GRB10: variants seen among roughly 807,000 people sequenced by gnomAD.
GRB10 encodes the protein growth factor receptor bound protein 10.
A neutral mutation model predicts 80.9 loss-of-function variants in GRB10; 20 were observed. The observed-to-expected ratio is 0.25, with a 90% CI of 0.17 to 0.36. The LOEUF is 0.36. Ranked by LOEUF, GRB10 falls within the 10% of genes least tolerant of loss-of-function variation. The pLI, the probability that GRB10 is intolerant of heterozygous loss-of-function variation, is 1.00. For synonymous variants in GRB10, 291 were observed against 291.5 expected (o/e 1.00, Z 0.02); for missense variants, 548 against 747.7 (o/e 0.73, Z 3.12).
At chr7:50,761,411 C>A (rs2075752224) in intron 2 of GRB10, among the ~76,000 whole-genome samples, 1 of 152,048 alleles carries the variant, frequency 6.6e-6, no homozygotes, top group African/African-American at 2.4e-5. Context: ...TAGAAGATAA[C>A]AGAATTTCTT....
chr7:50,763,120 A>G (rs916754867), intron 2 of GRB10, among the ~76,000 whole-genome samples: 3 of 148,184 alleles, frequency 2.0e-5, no homozygotes, highest in African/African-American at 2.4e-5. Context: ...TCCGTCTCCA[A>G]AAAAAAAAAA....
chr7:50,593,731 T>A (rs1333201293), intron 18 of GRB10, among the ~76,000 whole-genome samples: 1 of 152,192 alleles, frequency 6.6e-6, no homozygotes, highest in Admixed American at 6.5e-5. Context: ...TGTAGTACAG[T>A]GCAAAACACT....
At chr7:50,678,669 T>C (rs894048587) in intron 5 of GRB10, among the ~76,000 whole-genome samples, 34 of 149,492 alleles carry the variant, frequency 2.3e-4, no homozygotes, top group Non-Finnish European at 3.9e-4. Context: ...TTCTACACCA[T>C]TTTTTTTTTA....
chr7:50,745,454 C>A (rs2072724455), intron 3 of GRB10, among the ~76,000 whole-genome samples: 1 of 152,102 alleles, frequency 6.6e-6, no homozygotes, highest in Non-Finnish European at 1.5e-5. Context: ...AAAATTAAGA[C>A]ACCAAATCAA....
At chr7:50,718,161 A>T (rs1232536336) in intron 4 of GRB10, among the ~76,000 whole-genome samples, 2 of 152,214 alleles carry the variant, frequency 1.3e-5, no homozygotes, top group Non-Finnish European at 2.9e-5. Context: ...GGAAGGAAGA[A>T]AGGGAAGGGG....
At chr7:50,708,866 C>T (rs541097635) in intron 4 of GRB10, among the ~76,000 whole-genome samples, 9 of 151,968 alleles carry the variant, frequency 5.9e-5, no homozygotes, top group African/African-American at 2.2e-4. Flanking sequence ...AGTAGAGATG[C>T]GGTTTCACTA....
chr7:50,688,110 C>T (rs1021076448), intron 5 of GRB10, among the ~76,000 whole-genome samples: 1 of 152,218 alleles, frequency 6.6e-6, no homozygotes, highest in Non-Finnish European at 1.5e-5. Context: ...TAAATGCTAT[C>T]AGCCACATTT....
chr7:50,612,661 G>T, intron 13 of GRB10, 80 bp downstream of exon 13: 1 of 882,050 alleles, frequency 1.1e-6, no homozygotes, highest in Non-Finnish European at 1.9e-6. Context: ...GCATTTTCCT[G>T]CCAGAATAGA....
At chr7:50,724,984 G>GCT (rs1289474481) in intron 4 of GRB10, among the ~76,000 whole-genome samples, 1 of 152,128 alleles carries the variant, frequency 6.6e-6, no homozygotes, top group Non-Finnish European at 1.5e-5. Flanking sequence ...GTCTGCGTGC[G>GCT]CTTGATACTG....
rs150250702 is a variant in GRB10 at position 50,708,673 on chromosome 7, G to GTT, written c.52-4767_52-4766dup. Among the ~76,000 whole-genome samples the GTT allele has an allele frequency of 4.6e-3, 385 of 83,254 alleles. 8 individuals carry two copies. The highest frequency in any genetic ancestry group is 0.015 in the African/African-American group (350 of 23,160). The allele number at this position is 83,254 out of a possible 152,430, so 54.6% of individuals were successfully genotyped here. Reference sequence around the variant, plus strand: ...GGAATGGGGGAGGCCCTGTGAGTCTGTTTTTTTTTTTTTTTTTTTTTGAGA... The same window carrying GTT: ...GGAATGGGGGAGGCCCTGTGAGTCTGTTTTTTTTTTTTTTTTTTTTTTTGAGA... On this transcript the variant is annotated intron_variant, in intron 4 of 18. Coordinates refer to ENST00000401949, the MANE Select transcript of GRB10 (RefSeq NM_001350814.2).
chr7:50,605,675 G>A (rs1342240535), intron 14 of GRB10, among the ~76,000 whole-genome samples: 1 of 152,122 alleles, frequency 6.6e-6, no homozygotes, highest in Non-Finnish European at 1.5e-5. Flanking sequence ...CGCAGCATTT[G>A]GACCATGTGG....
chr7:50,727,068 T>C (rs1246979654), intron 4 of GRB10: 2 of 152,220 alleles, frequency 1.3e-5, no homozygotes, highest in Non-Finnish European at 2.9e-5. Flanking sequence ...AACCTCAGTT[T>C]TCTCATTTAT....
At chr7:50,651,570 G>A (rs1157954446) in intron 7 of GRB10, among the ~76,000 whole-genome samples, 2 of 152,190 alleles carry the variant, frequency 1.3e-5, no homozygotes, top group Admixed American at 1.3e-4. Flanking sequence ...TACATTCTGA[G>A]GAACTGGGGC....
rs1221278201 is a variant in GRB10 at position 50,612,747 on chromosome 7, G to T, written c.1188C>A (p.Leu396=). The change falls in exon 13 of 19, where the codon CTC becomes CTA. Residue 396 remains leucine (L), a synonymous_variant. Transcript: ENST00000401949. ...ACCGCAAGATGTCACATACCTTGAG[G>T]AGTCTGAACGCTGTCATCCAGCACG... ...TRTCWMTAFR[L]LKYGMLLYQN... is the part of the protein sequence containing the mutation. 3 of 1,611,136 alleles carry T rather than the reference G, an allele frequency of 1.9e-6. No individual in the cohort carries two copies. Among genetic ancestry groups the T allele is most frequent in the Non-Finnish European group, 2.5e-6 (3 of 1,177,642 alleles).
intron 2 of GRB10, among the ~76,000 whole-genome samples, chr7:50,758,059 A>C (rs2153704132): frequency 6.6e-6 from 1 of 152,350 alleles, no homozygotes; most frequent in Middle Eastern, 3.4e-3. Context: ...TACAGTTGAC[A>C]AAACAAAGAC....
chr7:50,603,798 G>A (rs1585520888), intron 17 of GRB10, among the ~76,000 whole-genome samples, 200 bp downstream of exon 17: 1 of 152,190 alleles, frequency 6.6e-6, no homozygotes, highest in Non-Finnish European at 1.5e-5. Flanking sequence ...GGGCAGACAT[G>A]GATTAGATCC....
At chr7:50,601,437 T>C (rs1251800365) in intron 17 of GRB10, among the ~76,000 whole-genome samples, 2 of 152,194 alleles carry the variant, frequency 1.3e-5, no homozygotes, top group African/African-American at 2.4e-5. Flanking sequence ...AGCAGTTTGG[T>C]GACAGAACCA....
At chr7:50,779,993 A>T (rs539836160) in intron 2 of GRB10, among the ~76,000 whole-genome samples, 36 of 152,166 alleles carry the variant, frequency 2.4e-4, no homozygotes, top group Non-Finnish European at 4.4e-4. Flanking sequence ...AAAAAAAGGG[A>T]AGAAAGAAGC....
intron 2 of GRB10, among the ~76,000 whole-genome samples, chr7:50,773,374 C>CGGAAGGGGAAG (rs1562680719): frequency 3.8e-5 from 2 of 52,332 alleles, no homozygotes; most frequent in Non-Finnish European, 1.0e-4. Flanking sequence ...GAAGAGGAAG[C>CGGAAGGGGAAG]GGAATGGGAA....
Sources: allele counts gnomAD v4.1 joint callset (sites outside exome capture counted in the v4.1 genomes callset), GRCh38; gene constraint gnomAD v4.1.1; transcripts MANE v1.5; gene names NCBI Gene and HGNC (gene_info 2026-07-23, HGNC 2026-07-21).